The following MSI2 variants were observed in gnomAD, a reference collection of about 807,000 sequenced individuals.
The protein encoded by MSI2 is RNA-binding protein Musashi homolog 2.
MSI2 carries 17 observed loss-of-function variants against 45.6 expected under a neutral mutation model. The observed-to-expected ratio is 0.37, with a 90% CI of 0.26 to 0.56. The LOEUF (loss-of-function observed/expected upper bound fraction) is 0.56. MSI2 is among the 20% of genes least tolerant of loss of function. The pLI is 0.77. For synonymous variants in MSI2, 156 were observed against 158.2 expected, an observed-to-expected ratio of 0.99 and a Z score of 0.11; for missense variants, 293 against 444.2, an observed-to-expected ratio of 0.66 and a Z score of 3.06.
chr17:57,558,328 G>T (rs1199765290), intron 7 of MSI2, among the ~76,000 whole-genome samples: 1 of 152,134 alleles, frequency 6.6e-6, no homozygotes, highest in Non-Finnish European at 1.5e-5. Context: ...TAACGATCTG[G>T]AGCTATAAAT....
intron 5 of MSI2, among the ~76,000 whole-genome samples, chr17:57,320,820 A>G (rs949989678): frequency 2.0e-5 from 3 of 152,046 alleles, no homozygotes; most frequent in Non-Finnish European, 4.4e-5. Flanking sequence ...TGTGTCAGGA[A>G]GGGAGAAAGA....
chr17:57,445,621 A>G (rs1255830392), intron 6 of MSI2, among the ~76,000 whole-genome samples: 2 of 152,186 alleles, frequency 1.3e-5, no homozygotes, highest in African/African-American at 4.8e-5. Context: ...AATGCATACA[A>G]ACGTCTGTAA....
At chr17:57,549,050 GT>G (rs2087242006) in intron 7 of MSI2, among the ~76,000 whole-genome samples, 1 of 152,138 alleles carries the variant, frequency 6.6e-6, no homozygotes, top group South Asian at 2.1e-4. Flanking sequence ...TTATTTGTTT[GT>G]TTTTTAAAAG....
intron 6 of MSI2, among the ~76,000 whole-genome samples, chr17:57,406,446 T>G (rs2084083923): frequency 6.6e-6 from 1 of 152,182 alleles, no homozygotes; most frequent in Non-Finnish European, 1.5e-5. Context: ...CCTTTAAACT[T>G]AATGAATTCT....
At chr17:57,582,586 A>G (rs1025239792) in intron 7 of MSI2, among the ~76,000 whole-genome samples, 2 of 152,214 alleles carry the variant, frequency 1.3e-5, no homozygotes, top group Non-Finnish European at 2.9e-5. Flanking sequence ...ACTGAAAAAT[A>G]CACCTCACAA....
At chr17:57,383,710 A>G (rs184005876) in intron 5 of MSI2, among the ~76,000 whole-genome samples, 77 of 152,334 alleles carry the variant, frequency 5.1e-4, no homozygotes, top group Non-Finnish European at 8.2e-4. Context: ...GAAAAAACTG[A>G]CATTTTAGAC....
rs571581731 is a variant in MSI2, at chr17:57,680,869, C to G, written c.*1352C>G. On this transcript the variant is annotated 3_prime_UTR_variant, in exon 14 of 14. Coordinates refer to ENST00000284073, the MANE Select transcript of MSI2 (RefSeq NM_138962.4). ...CAAAGGTCCCTAGGACACTTTGCCT[C>G]TCTTCTCCCCCTGCCCCCCACCCTG... The G allele has an allele frequency of 1.3e-3, 267 of 205,532 alleles. 2 individuals carry two copies. Among genetic ancestry groups the G allele is most frequent in the Non-Finnish European group, 7.5e-4 (75 of 100,418 alleles). The allele number at this position is 205,532 out of a possible 1,614,324, so 12.7% of individuals were successfully genotyped here.
At chr17:57,340,666 G>A (rs1915060861) in intron 5 of MSI2, among the ~76,000 whole-genome samples, 2 of 152,158 alleles carry the variant, frequency 1.3e-5, no homozygotes, top group Non-Finnish European at 2.9e-5. Context: ...GGGATGGGAG[G>A]GTGGTGTGAC....
intron 5 of MSI2, among the ~76,000 whole-genome samples, chr17:57,309,338 A>T (rs558324175): frequency 6.6e-6 from 1 of 152,140 alleles, no homozygotes; most frequent in Non-Finnish European, 1.5e-5. Context: ...TACTTGGATC[A>T]TGCCCCTGGT....
At chr17:57,492,096 A>G (rs2085884025) in intron 6 of MSI2, among the ~76,000 whole-genome samples, 1 of 152,236 alleles carries the variant, frequency 6.6e-6, no homozygotes, top group Admixed American at 6.5e-5. Flanking sequence ...GATGAAAAAG[A>G]TAGTGTCTGA....
intron 5 of MSI2, among the ~76,000 whole-genome samples, chr17:57,319,837 C>T (rs1337400399): frequency 6.6e-6 from 1 of 152,126 alleles, no homozygotes; most frequent in African/African-American, 2.4e-5. Context: ...TGGTCTCGAA[C>T]TCCTAGGCTC....
chr17:57,442,535 TCTCCC>T (rs1462923809), intron 6 of MSI2, among the ~76,000 whole-genome samples: 2 of 151,474 alleles, frequency 1.3e-5, no homozygotes, highest in Non-Finnish European at 2.9e-5. Context: ...CAGTTAGCCA[TCTCCC>T]CTCCCCTTCT....
intron 8 of MSI2, among the ~76,000 whole-genome samples, chr17:57,610,241 A>G (rs1907105034): frequency 6.6e-6 from 1 of 152,132 alleles, no homozygotes; most frequent in South Asian, 2.1e-4. Flanking sequence ...TCACGAGGTC[A>G]GGAGTTCGAG....
intron 5 of MSI2, among the ~76,000 whole-genome samples, chr17:57,289,483 A>AT (rs1179199053): frequency 1.7e-5 from 1 of 57,754 alleles, no homozygotes; most frequent in African/African-American, 4.6e-5. Flanking sequence ...AAATGAATTC[A>AT]TTAAAAAAAA....
chr17:57,622,238 C>G (rs1010635244), intron 9 of MSI2, among the ~76,000 whole-genome samples: 1 of 152,122 alleles, frequency 6.6e-6, no homozygotes, highest in Non-Finnish European at 1.5e-5. Flanking sequence ...CTCGTGCAGC[C>G]CCTCAGACTT....
At chr17:57,333,025 CAAAAAAAAGAA>C (rs899353173) in intron 5 of MSI2, among the ~76,000 whole-genome samples, 10 of 144,718 alleles carry the variant, frequency 6.9e-5, no homozygotes, top group African/African-American at 2.1e-4. Flanking sequence ...ACTCTGTGTC[CAAAAAAAAGAA>C]AAAAAAAAGA....
At chr17:57,530,516 A>G (rs961119773) in intron 7 of MSI2, among the ~76,000 whole-genome samples, 1 of 152,168 alleles carries the variant, frequency 6.6e-6, no homozygotes, top group Admixed American at 6.5e-5. Flanking sequence ...AAAGGAGGTG[A>G]TGACTTAGTG....
chr17:57,655,476 C>G (rs907261596), intron 11 of MSI2, among the ~76,000 whole-genome samples: 1 of 152,208 alleles, frequency 6.6e-6, no homozygotes, highest in South Asian at 2.1e-4. Flanking sequence ...CTTCTGAGCC[C>G]CTGGTACCAC....
chr17:57,565,047 CTT>C (rs2087694352), intron 7 of MSI2, among the ~76,000 whole-genome samples: 1 of 152,198 alleles, frequency 6.6e-6, no homozygotes, highest in African/African-American at 2.4e-5. Context: ...CAGAGTTCCT[CTT>C]TGACAGATGA....
Sources: allele counts gnomAD v4.1 joint callset (sites outside exome capture counted in the v4.1 genomes callset), GRCh38; gene constraint gnomAD v4.1.1; transcripts MANE v1.5; gene names NCBI Gene and HGNC (gene_info 2026-07-23, HGNC 2026-07-21).